SLC16A7: variants seen among roughly 807,000 people sequenced by gnomAD.
SLC16A7 encodes the protein monocarboxylate transporter 2.
In SLC16A7, 33 loss-of-function variants were observed where a neutral mutation model predicts 34.9. The observed-to-expected ratio is 0.94, with a 90% CI of 0.72 to 1.26. The LOEUF (loss-of-function observed/expected upper bound fraction) is 1.26. SLC16A7 is among the 50% of genes most tolerant of loss of function. SLC16A7 has a pLI of 0.00. For synonymous variants in SLC16A7, 201 were observed against 206.6 expected (o/e 0.97, Z 0.23); for missense variants, 573 against 578.1 (o/e 0.99, Z 0.09).
chr12:59,630,731 C>A (rs1880145178), intron 1 of SLC16A7, among the ~76,000 whole-genome samples: 1 of 151,834 alleles, frequency 6.6e-6, no homozygotes, highest in African/African-American at 2.4e-5. Context: ...AGTTTTTTTA[C>A]ACAATAACTA....
intron 3 of SLC16A7, among the ~76,000 whole-genome samples, chr12:59,767,225 C>A (rs34785387): frequency 0.25 from 37,752 of 150,934 alleles, 4,794 homozygotes; most frequent in East Asian, 0.31. Context: ...GGAAAGAAGC[C>A]ATCTTGCTAA....
intron 2 of SLC16A7, among the ~76,000 whole-genome samples, chr12:59,668,042 C>T (rs189356506): frequency 9.1e-4 from 138 of 152,326 alleles, no homozygotes; most frequent in African/African-American, 2.8e-3. Context: ...AAAACCTCCA[C>T]CTAGATTTCA....
chr12:59,668,478 G>A (rs1869396989), intron 2 of SLC16A7, among the ~76,000 whole-genome samples: 1 of 152,110 alleles, frequency 6.6e-6, no homozygotes, highest in Non-Finnish European at 1.5e-5. Context: ...GGATGTGTGT[G>A]GAGCCTGTAG....
chr12:59,778,751 C>A (rs17650140), intron 5 of SLC16A7, among the ~76,000 whole-genome samples: 22,704 of 152,008 alleles, frequency 0.15, 1,997 homozygotes, highest in Non-Finnish European at 0.19. Flanking sequence ...AGTGACATGG[C>A]ACTTAAACAA....
In SLC16A7 at chr12:59,783,797, A is replaced by C. The variant is rs946381770; in HGVS notation, c.*4118A>C. ...CTCCCGAGTAACTGGAATTACAGGC[A>C]TGTGCCACCATGCCCGGCTAATTTT... On this transcript the variant is annotated 3_prime_UTR_variant, in exon 6 of 6. Transcript: ENST00000547379. 2 of 152,286 alleles carry C rather than the reference A, an allele frequency of 1.3e-5. No homozygotes were observed. Among genetic ancestry groups the C allele is most frequent in the Non-Finnish European group, 2.9e-5 (2 of 68,242 alleles). 9.4% of individuals were successfully genotyped at this position (152,286 alleles called of 1,614,324 possible).
At chr12:59,765,765 G>A (rs1469904831) in intron 3 of SLC16A7, among the ~76,000 whole-genome samples, 2 of 152,256 alleles carry the variant, frequency 1.3e-5, no homozygotes, top group African/African-American at 2.4e-5. Context: ...GTCAGGTAGC[G>A]TGATGCCTCC....
intron 3 of SLC16A7, among the ~76,000 whole-genome samples, chr12:59,754,179 A>G (rs1248336286): frequency 6.6e-6 from 1 of 152,198 alleles, no homozygotes; most frequent in Admixed American, 6.5e-5. Context: ...TGACACCCTA[A>G]CATATCAATT....
At chr12:59,646,839 A>G (rs1268615562) in intron 1 of SLC16A7, among the ~76,000 whole-genome samples, 1 of 152,126 alleles carries the variant, frequency 6.6e-6, no homozygotes, top group Non-Finnish European at 1.5e-5. Flanking sequence ...TGTGACCCAA[A>G]TGTGAGACAT....
At chr12:59,603,844 A>G (rs868719282) in intron 1 of SLC16A7, among the ~76,000 whole-genome samples, 1 of 152,162 alleles carries the variant, frequency 6.6e-6, no homozygotes, top group South Asian at 2.1e-4. Context: ...ATAAACCACC[A>G]TCTATTATTT....
rs1462980437 is a variant in SLC16A7 at position 59,680,078 on chromosome 12, C to T, written c.-30-24694C>T. 5.3e-5 allele frequency among the ~76,000 whole-genome samples: 8 copies of T among 152,274 alleles called. No homozygotes were observed. In the East Asian group the frequency reaches 1.5e-3, roughly 29 times the overall value. ...AAAAATAAAGGCGTTTTCTGCCTAA[C>T]TTTACTGGCATCAAGGAAAAGCAAG... is the stretch of plus-strand genomic sequence containing the variant. On this transcript the variant is annotated intron_variant, in intron 2 of 5. Coordinates refer to ENST00000547379, the MANE Select transcript of SLC16A7 (RefSeq NM_001270623.2).
intron 1 of SLC16A7, among the ~76,000 whole-genome samples, chr12:59,610,403 A>T (rs930941472): frequency 1.3e-5 from 2 of 152,230 alleles, no homozygotes; most frequent in African/African-American, 4.8e-5. Flanking sequence ...TGATGCTAGT[A>T]TCAAGAAATC....
At chr12:59,630,982 G>T (rs1880156949) in intron 1 of SLC16A7, among the ~76,000 whole-genome samples, 1 of 151,868 alleles carries the variant, frequency 6.6e-6, no homozygotes. Context: ...GATATTTATA[G>T]CTACATATTA....
chr12:59,597,483 T>G (rs935352148), intron 1 of SLC16A7, among the ~76,000 whole-genome samples: 4 of 152,170 alleles, frequency 2.6e-5, no homozygotes, highest in Non-Finnish European at 1.5e-5. Flanking sequence ...CCATGCTTCA[T>G]GGCTAACCCC....
In SLC16A7 at chr12:59,675,991, A is replaced by T. The variant is rs190414090; in HGVS notation, c.-31+20741A>T. 5.4e-3 allele frequency among the ~76,000 whole-genome samples: 825 copies of T among 152,238 alleles called. 2 individuals are homozygous for T. The highest frequency in any genetic ancestry group is 0.01 in the Middle Eastern group (3 of 294). ...TTCACATAATCTGTTCAAAAATTAA[A>T]TTTTTTATTATTTCATTGCCAATTG... On this transcript the variant is annotated intron_variant, in intron 2 of 5. Transcript: ENST00000547379.
At chr12:59,766,276 A>T (rs372206431) in intron 3 of SLC16A7, among the ~76,000 whole-genome samples, 1 of 152,172 alleles carries the variant, frequency 6.6e-6, no homozygotes, top group Non-Finnish European at 1.5e-5. Flanking sequence ...TCATCTGCAA[A>T]CAGGGACAAT....
At chr12:59,693,804 T>G (rs1048125863) in intron 2 of SLC16A7, among the ~76,000 whole-genome samples, 4 of 151,842 alleles carry the variant, frequency 2.6e-5, no homozygotes, top group African/African-American at 9.7e-5. Context: ...TATAATTTTA[T>G]GCAGAAAAAG....
At chr12:59,633,087 A>T (rs1233789590) in intron 1 of SLC16A7, among the ~76,000 whole-genome samples, 1 of 151,950 alleles carries the variant, frequency 6.6e-6, no homozygotes, top group African/African-American at 2.4e-5. Context: ...CAAGATTTTG[A>T]GTTACATTTT....
chr12:59,697,996 G>T (rs1187035839), intron 2 of SLC16A7, among the ~76,000 whole-genome samples: 1 of 151,758 alleles, frequency 6.6e-6, no homozygotes, highest in African/African-American at 2.4e-5. Context: ...ACTCTGATGG[G>T]AAAGATGGGT....
intron 2 of SLC16A7, among the ~76,000 whole-genome samples, chr12:59,665,809 C>CAT (rs1869149267): frequency 7.0e-6 from 1 of 142,986 alleles, no homozygotes; most frequent in Non-Finnish European, 1.6e-5. Flanking sequence ...ATATATAACA[C>CAT]GTGTGTGTGT....
Sources: gnomAD v4.1 joint callset for allele counts (sites outside exome capture counted in the v4.1 genomes callset) on GRCh38, gnomAD v4.1.1 for gene constraint, MANE v1.5 for transcripts, NCBI Gene and HGNC (gene_info 2026-07-23, HGNC 2026-07-21) for gene names.